The following FAM184A variants were observed in gnomAD, a reference collection of about 807,000 sequenced individuals.
The protein encoded by FAM184A is family with sequence similarity 184 member A.
A neutral mutation model predicts 143.8 loss-of-function variants in FAM184A; 99 were observed. The ratio of observed to expected loss-of-function variants is 0.69; its 90% confidence interval spans 0.58 to 0.81. The LOEUF is 0.81. FAM184A is among the 40% of genes least tolerant of loss of function. The pLI is 0.00. For synonymous variants in FAM184A, 427 were observed against 446.4 expected (o/e 0.96, Z 0.55); for missense variants, 1,217 against 1,310.5 (o/e 0.93, Z 1.10).
intron 9 of FAM184A, among the ~76,000 whole-genome samples, chr6:118,984,669 T>G (rs1196140077): frequency 6.6e-6 from 1 of 152,240 alleles, no homozygotes; most frequent in Non-Finnish European, 1.5e-5. Flanking sequence ...TCGGTGTTTT[T>G]TCTTCAAAAA....
intron 17 of FAM184A, chr6:118,960,959 T>A (rs1238325458): frequency 2.9e-5 from 14 of 484,824 alleles, no homozygotes; most frequent in African/African-American, 1.0e-4. Flanking sequence ...ATTCTTGCTA[T>A]TTTTTTTGTT....
intron 1 of FAM184A, among the ~76,000 whole-genome samples, chr6:119,062,460 A>G (rs934907155): frequency 6.6e-6 from 1 of 152,080 alleles, no homozygotes; most frequent in Non-Finnish European, 1.5e-5. Context: ...GCCCTGGAAT[A>G]ACAGCCTGGG....
chr6:119,024,960 GT>G (rs538780336), intron 1 of FAM184A, 147 bp from the exon 2 acceptor site: 26 of 768,128 alleles, frequency 3.4e-5, no homozygotes, highest in Non-Finnish European at 5.2e-5. Flanking sequence ...TGATGCAATT[GT>G]TTTTTTACTC....
intron 1 of FAM184A, among the ~76,000 whole-genome samples, chr6:119,104,183 C>G (rs984635283): frequency 1.3e-5 from 2 of 151,996 alleles, no homozygotes; most frequent in African/African-American, 4.8e-5. Flanking sequence ...GCCACCAAGC[C>G]CAGCTAATTT....
At chr6:118,993,882 CTTCAACAG>C (rs1408119995) in intron 9 of FAM184A, among the ~76,000 whole-genome samples, 1 of 152,130 alleles carries the variant, frequency 6.6e-6, no homozygotes, top group Non-Finnish European at 1.5e-5. Context: ...GATCAAAGCC[CTTCAACAG>C]TTCACTGCTC....
At chr6:119,115,970 A>AC (rs1789047606) in intron 1 of FAM184A, among the ~76,000 whole-genome samples, 1 of 137,294 alleles carries the variant, frequency 7.3e-6, no homozygotes, top group African/African-American at 2.7e-5. Context: ...CTCCGTCTCA[A>AC]ACACACACAC....
rs751596500 is a variant in FAM184A, at chr6:118,964,782, G to A, written c.3034-11C>T. On this transcript the variant is annotated splice_polypyrimidine_tract_variant and intron_variant, in intron 15 of 17. Coordinates refer to ENST00000338891, the MANE Select transcript of FAM184A (RefSeq NM_024581.6). ...AAACTTATTATCCTCCTATGCAAAA[G>A]AATTATAAACATCTTTTAAATATTT... 2 of 1,369,604 alleles carry A rather than the reference G, an allele frequency of 1.5e-6. No homozygotes were observed. Among genetic ancestry groups the A allele is most frequent in the Admixed American group, 3.7e-5 (2 of 54,660 alleles). The allele number at this position is 1,369,604 out of a possible 1,614,324, so 84.8% of individuals were successfully genotyped here.
chr6:119,035,362 A>G (rs1422037061), intron 1 of FAM184A, among the ~76,000 whole-genome samples: 1 of 152,198 alleles, frequency 6.6e-6, no homozygotes, highest in East Asian at 1.9e-4. Flanking sequence ...TAACATTAAA[A>G]CAATGATTTT....
intron 1 of FAM184A, among the ~76,000 whole-genome samples, chr6:119,053,826 AAC>A (rs1360791455): frequency 2.6e-5 from 4 of 152,344 alleles, no homozygotes; most frequent in Non-Finnish European, 5.9e-5. Context: ...AGAATTCTGA[AAC>A]AGAGTAGTAT....
At chr6:119,126,589 G>T (rs563059833) in intron 1 of FAM184A, among the ~76,000 whole-genome samples, 64 of 152,212 alleles carry the variant, frequency 4.2e-4, no homozygotes, top group Non-Finnish European at 7.6e-4. Flanking sequence ...AACATCTAGA[G>T]GGGGAGTACC....
intron 1 of FAM184A, among the ~76,000 whole-genome samples, chr6:119,138,722 G>A (rs534708290): frequency 2.0e-5 from 3 of 152,198 alleles, no homozygotes; most frequent in Admixed American, 1.3e-4. Flanking sequence ...CGCCTCCTGG[G>A]TTCAAGCAAT....
intron 1 of FAM184A, among the ~76,000 whole-genome samples, chr6:119,026,996 C>G (rs945606610): frequency 2.6e-5 from 4 of 152,110 alleles, no homozygotes; most frequent in African/African-American, 4.8e-5. Context: ...AGCCTGCTAC[C>G]TGGAGGCCTC....
At chr6:119,071,403 G>A (rs1486061776) in intron 1 of FAM184A, among the ~76,000 whole-genome samples, 2 of 152,144 alleles carry the variant, frequency 1.3e-5, no homozygotes, top group East Asian at 1.9e-4. Flanking sequence ...TTTTAAATAC[G>A]TTTCAGTTTG....
intron 1 of FAM184A, among the ~76,000 whole-genome samples, chr6:119,062,069 TG>T (rs753288975): frequency 9.2e-5 from 14 of 152,254 alleles, no homozygotes; most frequent in South Asian, 2.1e-4. Flanking sequence ...CTTACCATTT[TG>T]AACACAGCCA....
intron 1 of FAM184A, chr6:119,025,746 C>G (rs975608804): frequency 2.5e-6 from 1 of 400,354 alleles, no homozygotes. Context: ...CCCCCGGAAG[C>G]GAAAAGAAGT....
At chr6:119,023,560 C>CT (rs1483414978) in intron 2 of FAM184A, among the ~76,000 whole-genome samples, 1 of 119,866 alleles carries the variant, frequency 8.3e-6, no homozygotes, top group African/African-American at 3.1e-5. Flanking sequence ...TGTCCGCCCC[C>CT]CCCCCCAGGA....
chr6:118,979,584 A>G lies in FAM184A; in HGVS notation c.2302-66T>C, dbSNP rs990130642. The stretch of plus-strand genomic sequence containing the variant: ...GAAGGAAAATGCAAACAAAATAGAA[A>G]ACAGTTACTAAAACTCAGTTATTAT... On this transcript the variant is annotated intron_variant, in intron 10 of 17. Transcript: ENST00000338891. 9.2e-5 allele frequency: 113 copies of G among 1,223,544 alleles called. No individual in the cohort carries two copies. The Middle Eastern group carries it at 1.6e-3, about 17-fold the overall frequency. The allele number at this position is 1,223,544 out of a possible 1,614,324, so 75.8% of individuals were successfully genotyped here.
At chr6:118,970,008 A>ATATATATATATATTTTT in intron 14 of FAM184A, among the ~76,000 whole-genome samples, 11 of 19,048 alleles carry the variant, frequency 5.8e-4, no homozygotes, top group African/African-American at 9.2e-4. Flanking sequence ...ATATATATAT[A>ATATATATATATATTTTT]TTTTTTTTTT....
intron 5 of FAM184A, among the ~76,000 whole-genome samples, chr6:119,013,873 A>G (rs752665307): frequency 1.3e-4 from 20 of 152,336 alleles, no homozygotes; most frequent in Non-Finnish European, 2.6e-4. Flanking sequence ...ATCGAGGTTT[A>G]TTAAACCTAT....
Sources: gnomAD v4.1 joint callset for allele counts (sites outside exome capture counted in the v4.1 genomes callset) on GRCh38, gnomAD v4.1.1 for gene constraint, MANE v1.5 for transcripts, NCBI Gene and HGNC (gene_info 2026-07-23, HGNC 2026-07-21) for gene names.